IL1RAPL2: variants seen among roughly 807,000 people sequenced by gnomAD.
IL1RAPL2 encodes interleukin 1 receptor accessory protein like 2.
A neutral mutation model predicts 44.1 loss-of-function variants in IL1RAPL2; 3 were observed. That is an observed-to-expected ratio of 0.07 (90% CI 0.03 to 0.18). The LOEUF is 0.18. Ranked by LOEUF, IL1RAPL2 falls within the 10% of genes least tolerant of loss-of-function variation. The probability of loss-of-function intolerance (pLI) is 1.00; values close to 1 mark genes in which losing one functional copy is unlikely to be tolerated. For missense variants in IL1RAPL2, 391 were observed against 496.4 expected (o/e 0.79, Z 2.02); for synonymous variants, 181 against 178.8 (o/e 1.01, Z -0.10).
chrX:105,005,011 T>A (rs2030916518), intron 2 of IL1RAPL2, among the ~76,000 whole-genome samples: 1 of 111,198 alleles, frequency 9.0e-6, no homozygotes, highest in Non-Finnish European at 1.9e-5. Flanking sequence ...ATCCCCCACG[T>A]ATGTTCTATG....
At chrX:105,656,657 T>C (rs2037679590) in intron 6 of IL1RAPL2, among the ~76,000 whole-genome samples, 1 of 111,849 alleles carries the variant, frequency 8.9e-6, no homozygotes, top group African/African-American at 3.3e-5. Flanking sequence ...CTCATTTGGG[T>C]ACCTGTCAAG....
At chrX:105,471,196 A>C (rs1236413924) in intron 5 of IL1RAPL2, among the ~76,000 whole-genome samples, 4 of 111,766 alleles carry the variant, frequency 3.6e-5, no homozygotes, top group African/African-American at 1.3e-4. Flanking sequence ...TAATCCTAAA[A>C]AATGGGTACT....
chrX:104,826,938 CTTTTTTT>C (rs1176113214), intron 2 of IL1RAPL2, among the ~76,000 whole-genome samples: 3 of 34,850 alleles, frequency 8.6e-5, no homozygotes, highest in African/African-American at 3.8e-4. Flanking sequence ...GCAACCCCTG[CTTTTTTT>C]TTTTTTTTTT....
intron 2 of IL1RAPL2, among the ~76,000 whole-genome samples, chrX:105,078,933 C>T (rs981281834): frequency 8.9e-6 from 1 of 112,272 alleles, no homozygotes; most frequent in African/African-American, 3.2e-5. Flanking sequence ...CCTCTGTCAC[C>T]CCTTTCTTTG....
At chrX:105,288,873 C>T (rs886522865) in intron 5 of IL1RAPL2, among the ~76,000 whole-genome samples, 6 of 110,303 alleles carry the variant, frequency 5.4e-5, no homozygotes, top group African/African-American at 9.9e-5. Flanking sequence ...TATATCCCAA[C>T]CTTAATGCTA....
intron 2 of IL1RAPL2, among the ~76,000 whole-genome samples, chrX:104,786,527 C>A (rs540940859): frequency 8.9e-6 from 1 of 111,806 alleles, no homozygotes; most frequent in African/African-American, 3.3e-5. Flanking sequence ...GACTAAGCAA[C>A]CTGCCCAAGG....
chrX:104,920,499 G>T (rs1182641505), intron 2 of IL1RAPL2, among the ~76,000 whole-genome samples: 1 of 90,159 alleles, frequency 1.1e-5, no homozygotes, highest in Non-Finnish European at 2.2e-5. Flanking sequence ...CGTGAGATAT[G>T]GTTATTTAAA....
chrX:104,720,715 C>T (rs1931659990), intron 2 of IL1RAPL2, among the ~76,000 whole-genome samples: 1 of 111,618 alleles, frequency 9.0e-6, no homozygotes, highest in African/African-American at 3.2e-5. Context: ...AACTATACCC[C>T]TTTATGGTTC....
At chrX:105,085,343 A>G (rs1411065234) in intron 2 of IL1RAPL2, among the ~76,000 whole-genome samples, 2 of 112,214 alleles carry the variant, frequency 1.8e-5, no homozygotes, top group Admixed American at 9.5e-5. Context: ...AACAAACAAC[A>G]TGATTAAAAA....
chrX:105,540,647 C>A (rs2147796965), intron 6 of IL1RAPL2, among the ~76,000 whole-genome samples: 1 of 104,917 alleles, frequency 9.5e-6, no homozygotes, highest in Non-Finnish European at 1.9e-5. Flanking sequence ...GAATTTCTGA[C>A]TCATATCTAA....
intron 2 of IL1RAPL2, among the ~76,000 whole-genome samples, chrX:104,762,807 G>A (rs896960144): frequency 9.0e-6 from 1 of 111,458 alleles, no homozygotes; most frequent in Non-Finnish European, 1.9e-5. Flanking sequence ...TTTAGTCTTG[G>A]TGGGATGCAG....
At chrX:104,855,062 T>A (rs1435289645) in intron 2 of IL1RAPL2, among the ~76,000 whole-genome samples, 1 of 112,310 alleles carries the variant, frequency 8.9e-6, no homozygotes, top group Non-Finnish European at 1.9e-5. Context: ...GAGCTGTGTT[T>A]TATGGCAAGC....
chrX:105,755,280 A>C lies in IL1RAPL2; in HGVS notation c.1296A>C (p.Pro432=). 3 of 1,203,777 alleles carry C rather than the reference A, an allele frequency of 2.5e-6. No homozygotes were observed. The highest frequency in any genetic ancestry group is 3.4e-6 in the Non-Finnish European group (3 of 888,266). ...EEEQFALEVL[P]DVLEKHYGYK... ...AGCAGTTTGCTCTTGAAGTACTGCC[A>C]GATGTCCTGGAAAAACACTATGGAT... is the stretch of plus-strand genomic sequence containing the variant. Residue 432 remains proline (P), a synonymous_variant, in exon 10 of 11, where the codon CCA becomes CCC. Coordinates refer to ENST00000372582, the MANE Select transcript of IL1RAPL2 (RefSeq NM_017416.2).
At chrX:105,198,479 A>AT (rs1556143210) in intron 3 of IL1RAPL2, among the ~76,000 whole-genome samples, 10 of 112,379 alleles carry the variant, frequency 8.9e-5, no homozygotes, top group African/African-American at 3.2e-4. Flanking sequence ...TTGCAAAGAT[A>AT]ATATAGAGTT....
chrX:105,626,488 C>G (rs1008157975), intron 6 of IL1RAPL2, among the ~76,000 whole-genome samples: 3 of 111,278 alleles, frequency 2.7e-5, no homozygotes, highest in East Asian at 5.7e-4. Flanking sequence ...GGTGGTTTTC[C>G]GGGTACTTCT....
At chrX:105,335,604 A>G (rs1157568730) in intron 5 of IL1RAPL2, among the ~76,000 whole-genome samples, 1 of 111,583 alleles carries the variant, frequency 9.0e-6, no homozygotes, top group African/African-American at 3.3e-5. Flanking sequence ...GTATCCAAGC[A>G]TGTGAAGGCA....
chrX:104,880,791 A>T (rs1025377553), intron 2 of IL1RAPL2, among the ~76,000 whole-genome samples: 4 of 112,293 alleles, frequency 3.6e-5, no homozygotes, highest in African/African-American at 1.3e-4. Flanking sequence ...TTCTGTCACA[A>T]AACTATACCT....
At chrX:104,784,622 A>G (rs778081148) in intron 2 of IL1RAPL2, among the ~76,000 whole-genome samples, 2 of 110,676 alleles carry the variant, frequency 1.8e-5, no homozygotes, top group African/African-American at 6.6e-5. Flanking sequence ...GATTATCCAC[A>G]CATAACCCTT....
intron 6 of IL1RAPL2, among the ~76,000 whole-genome samples, chrX:105,644,552 G>A (rs1207314354): frequency 1.8e-5 from 2 of 111,045 alleles, no homozygotes; most frequent in Admixed American, 9.6e-5. Flanking sequence ...ATATTGTTCT[G>A]TCTGAACTCC....
Sources: allele counts gnomAD v4.1 joint callset (sites outside exome capture counted in the v4.1 genomes callset), GRCh38; gene constraint gnomAD v4.1.1; transcripts MANE v1.5; gene names NCBI Gene and HGNC (gene_info 2026-07-23, HGNC 2026-07-21).